Variants in PHACTR1 observed in about 807,000 individuals in gnomAD.
PHACTR1 encodes phosphatase and actin regulator 1.
PHACTR1 carries 16 observed loss-of-function variants against 69.2 expected under a neutral mutation model. The ratio of observed to expected loss-of-function variants is 0.23; its 90% confidence interval spans 0.16 to 0.35. The LOEUF (loss-of-function observed/expected upper bound fraction) is 0.35. PHACTR1 is among the 10% of genes least tolerant of loss of function. The pLI is 1.00. For synonymous variants in PHACTR1, 312 were observed against 284.5 expected, an observed-to-expected ratio of 1.10 and a Z score of -0.97; for missense variants, 510 against 734.7, an observed-to-expected ratio of 0.69 and a Z score of 3.54.
At chr6:13,081,656 C>T (rs1022742409) in intron 5 of PHACTR1, among the ~76,000 whole-genome samples, 1 of 151,950 alleles carries the variant, frequency 6.6e-6, no homozygotes, top group African/African-American at 2.4e-5. Context: ...ACCCCCATCT[C>T]TAACAAAAAA....
chr6:13,035,571 A>G (rs1803185217), intron 4 of PHACTR1, among the ~76,000 whole-genome samples: 1 of 152,226 alleles, frequency 6.6e-6, no homozygotes, highest in African/African-American at 2.4e-5. Flanking sequence ...TATTATACTT[A>G]AAGTATTATT....
intron 5 of PHACTR1, among the ~76,000 whole-genome samples, chr6:13,092,289 G>T (rs1186033835): frequency 1.3e-5 from 2 of 152,176 alleles, no homozygotes; most frequent in Non-Finnish European, 1.5e-5. Flanking sequence ...GGGACCCCTG[G>T]CTTAGGGCCT....
chr6:13,156,887 A>G (rs1369833966), intron 5 of PHACTR1, among the ~76,000 whole-genome samples: 5 of 152,086 alleles, frequency 3.3e-5, no homozygotes, highest in African/African-American at 1.2e-4. Flanking sequence ...TCTTGGGTGC[A>G]TCTTTTGTCA....
At chr6:13,255,037 AAAGAG>A (rs1031001400) in intron 10 of PHACTR1, among the ~76,000 whole-genome samples, 6 of 152,196 alleles carry the variant, frequency 3.9e-5, no homozygotes, top group Admixed American at 1.3e-4. Flanking sequence ...TTTACAAAGA[AAAGAG>A]GTTTAATTGG....
chr6:12,786,683 C>T (rs1771590586), intron 4 of PHACTR1, among the ~76,000 whole-genome samples: 1 of 152,160 alleles, frequency 6.6e-6, no homozygotes, highest in African/African-American at 2.4e-5. Context: ...CTGGTTCAGG[C>T]GTACAAGAGC....
chr6:12,827,487 A>G (rs1197782103), intron 4 of PHACTR1, among the ~76,000 whole-genome samples: 2 of 152,218 alleles, frequency 1.3e-5, no homozygotes, highest in African/African-American at 4.8e-5. Flanking sequence ...TTTAAGATAT[A>G]TCCATGTGAA....
intron 4 of PHACTR1, among the ~76,000 whole-genome samples, chr6:12,827,131 T>C (rs560871075): frequency 6.6e-6 from 1 of 152,206 alleles, no homozygotes; most frequent in South Asian, 2.1e-4. Context: ...GAGATAATGT[T>C]GCTGGCTAAC....
At chr6:12,898,231 G>T (rs1378336006) in intron 4 of PHACTR1, among the ~76,000 whole-genome samples, 3 of 151,848 alleles carry the variant, frequency 2.0e-5, no homozygotes, top group African/African-American at 7.3e-5. Context: ...TTTACACACG[G>T]TCCTGCCCTC....
chr6:13,250,382 A>T (rs1774217974), intron 10 of PHACTR1, among the ~76,000 whole-genome samples: 1 of 152,224 alleles, frequency 6.6e-6, no homozygotes, highest in Non-Finnish European at 1.5e-5. Context: ...TTTACTTCTT[A>T]GTCCAGATCC....
intron 3 of PHACTR1, among the ~76,000 whole-genome samples, chr6:12,737,567 A>G (rs1764446542): frequency 6.7e-6 from 1 of 150,184 alleles, no homozygotes; most frequent in Non-Finnish European, 1.5e-5. Flanking sequence ...CTTTATTCCT[A>G]ATACTTTACT....
Position 12,739,374 on chromosome 6 carries a change from T to C in PHACTR1, c.104-10270T>C, listed in dbSNP as rs1764734470. On this transcript the variant is annotated intron_variant, in intron 3 of 14. Transcript: ENST00000332995. ...ATTTTGAAATAATAAAATGCTGATA[T>C]GTATAAAGACAGCCCAAGTCATCAA... 3.3e-5 allele frequency among the ~76,000 whole-genome samples: 5 copies of C among 152,312 alleles called. 1 individual carries two copies. The South Asian group carries it at 1.0e-3, about 32-fold the overall frequency.
intron 7 of PHACTR1, among the ~76,000 whole-genome samples, chr6:13,186,668 A>G (rs1762860252): frequency 6.6e-6 from 1 of 152,224 alleles, no homozygotes; most frequent in African/African-American, 2.4e-5. Context: ...AGAATACTGT[A>G]CTAAGTATCA....
At chr6:12,997,813 C>T (rs977626416) in intron 4 of PHACTR1, among the ~76,000 whole-genome samples, 5 of 152,134 alleles carry the variant, frequency 3.3e-5, no homozygotes, top group South Asian at 2.1e-4. Context: ...ATTAGCCGGG[C>T]ACGGTGGCGG....
intron 4 of PHACTR1, among the ~76,000 whole-genome samples, chr6:12,852,427 G>A (rs920659163): frequency 3.3e-5 from 5 of 152,146 alleles, no homozygotes; most frequent in African/African-American, 1.2e-4. Context: ...GGCAGAACGG[G>A]ATGGTACAGC....
chr6:13,155,734 A>G (rs958165636), intron 5 of PHACTR1, among the ~76,000 whole-genome samples: 3 of 152,140 alleles, frequency 2.0e-5, no homozygotes, highest in Non-Finnish European at 4.4e-5. Context: ...CTAAAAATAC[A>G]AAAATTAGCC....
At chr6:12,824,399 A>G (rs527907651) in intron 4 of PHACTR1, among the ~76,000 whole-genome samples, 3 of 152,292 alleles carry the variant, frequency 2.0e-5, no homozygotes, top group Non-Finnish European at 4.4e-5. Flanking sequence ...AATCATCCCA[A>G]AATCATCCCC....
chr6:12,808,373 G>A (rs1214376222), intron 4 of PHACTR1, among the ~76,000 whole-genome samples: 1 of 152,174 alleles, frequency 6.6e-6, no homozygotes, highest in African/African-American at 2.4e-5. Flanking sequence ...AGTACATACT[G>A]AAAGTAATTT....
chr6:13,194,791 A>AT (rs202122147), intron 7 of PHACTR1, among the ~76,000 whole-genome samples: 7 of 151,820 alleles, frequency 4.6e-5, no homozygotes, highest in African/African-American at 1.7e-4. Flanking sequence ...GTCTAGTAAA[A>AT]TTTTTTTTTA....
At chr6:13,274,173 C>G (rs1017756789) in intron 11 of PHACTR1, 3 of 152,072 alleles carry the variant, frequency 2.0e-5, no homozygotes, top group African/African-American at 7.2e-5. Context: ...TTATCAATGT[C>G]TTGCCTCCCG....
Sources: gnomAD v4.1 joint callset for allele counts (sites outside exome capture counted in the v4.1 genomes callset) on GRCh38, gnomAD v4.1.1 for gene constraint, MANE v1.5 for transcripts, NCBI Gene and HGNC (gene_info 2026-07-23, HGNC 2026-07-21) for gene names.